The following SRBD1 variants were observed in gnomAD, a reference collection of about 807,000 sequenced individuals.
The protein encoded by SRBD1 is S1 RNA binding domain 1, also known as S1 RNA-binding domain-containing protein 1.
SRBD1 carries 88 observed loss-of-function variants against 115.3 expected under a neutral mutation model. The observed-to-expected ratio is 0.76, with a 90% CI of 0.64 to 0.91. The LOEUF (loss-of-function observed/expected upper bound fraction) is 0.91. SRBD1 is among the 40% of genes least tolerant of loss of function. The pLI, the probability that SRBD1 is intolerant of heterozygous loss-of-function variation, is 0.00. For missense variants in SRBD1, 1,385 were observed against 1,177.4 expected (o/e 1.18, Z -2.58); for synonymous variants, 509 against 407.7 (o/e 1.25, Z -2.99).
chr2:45,552,367 GA>G (rs1270286836), intron 11 of SRBD1, among the ~76,000 whole-genome samples: 1 of 152,052 alleles, frequency 6.6e-6, no homozygotes, highest in East Asian at 1.9e-4. Context: ...GAAAAAGAAA[GA>G]GAAAGTACTC....
chr2:45,405,341 G>T (rs961487413), intron 19 of SRBD1, among the ~76,000 whole-genome samples: 1 of 152,084 alleles, frequency 6.6e-6, no homozygotes, highest in Non-Finnish European at 1.5e-5. Context: ...TCTTGTTTTT[G>T]TGTGGGGCTA....
intron 12 of SRBD1, chr2:45,549,035 C>G (rs1177634415): frequency 6.6e-6 from 1 of 152,176 alleles, no homozygotes; most frequent in Non-Finnish European, 1.5e-5. Flanking sequence ...GGAGCTGAAA[C>G]TGAGAGAGAT....
chr2:45,541,734 G>A (rs1001979727), intron 14 of SRBD1, among the ~76,000 whole-genome samples: 1 of 152,220 alleles, frequency 6.6e-6, no homozygotes, highest in Non-Finnish European at 1.5e-5. Context: ...TCTGCAGACA[G>A]GTCTCCTGAC....
intron 9 of SRBD1, among the ~76,000 whole-genome samples, chr2:45,571,542 A>AAAAAAAAAAAAAAAAAAAAAAT (rs1673017246): frequency 1.4e-5 from 2 of 143,156 alleles, no homozygotes; most frequent in Non-Finnish European, 3.0e-5. Context: ...AAAAAAAAAA[A>AAAAAAAAAAAAAAAAAAAAAAT]CTGTCCATGA....
At chr2:45,397,423 G>A (rs1443825515) in intron 19 of SRBD1, among the ~76,000 whole-genome samples, 2 of 152,052 alleles carry the variant, frequency 1.3e-5, no homozygotes, top group African/African-American at 4.8e-5. Context: ...TGTGGCAAAC[G>A]AGGAAAACCT....
chr2:45,573,064 T>A, intron 9 of SRBD1, 143 bp downstream of exon 9: 1 of 932,932 alleles, frequency 1.1e-6, no homozygotes, highest in East Asian at 3.0e-5. Context: ...GCGGCAAGGA[T>A]ATGACAATAT....
chr2:45,454,708 A>G (rs1353292132), intron 16 of SRBD1, among the ~76,000 whole-genome samples: 1 of 151,880 alleles, frequency 6.6e-6, no homozygotes, highest in Admixed American at 6.6e-5. Context: ...AGTTCTTACA[A>G]TGCACGAACA....
chr2:45,604,441 G>C (rs1009167119), intron 2 of SRBD1, among the ~76,000 whole-genome samples: 4 of 152,098 alleles, frequency 2.6e-5, no homozygotes, highest in East Asian at 1.9e-4. Context: ...CCAACATTTA[G>C]AGGGTGGTGA....
chr2:45,594,660 G>C (rs1276675819), intron 4 of SRBD1, among the ~76,000 whole-genome samples: 1 of 152,184 alleles, frequency 6.6e-6, no homozygotes, highest in Non-Finnish European at 1.5e-5. Flanking sequence ...TATAATGTCT[G>C]TTAAAACATT....
chr2:45,567,495 G>C (rs958725015), intron 9 of SRBD1, among the ~76,000 whole-genome samples: 28 of 152,142 alleles, frequency 1.8e-4, no homozygotes, highest in African/African-American at 6.5e-4. Context: ...CATAGTCCCA[G>C]CTCCTCAGGA....
intron 3 of SRBD1, among the ~76,000 whole-genome samples, 169 bp downstream of exon 3, chr2:45,601,734 T>C (rs1253069963): frequency 2.6e-5 from 4 of 152,208 alleles, no homozygotes; most frequent in Non-Finnish European, 5.9e-5. Context: ...GAAAAGGGAA[T>C]AGACAAAGAA....
intron 16 of SRBD1, among the ~76,000 whole-genome samples, chr2:45,467,702 A>G (rs1051778700): frequency 2.0e-5 from 3 of 152,206 alleles, no homozygotes; most frequent in African/African-American, 7.2e-5. Context: ...GGCTTGAGAA[A>G]GATTTCTAAG....
chr2:45,404,166 G>C (rs1370895650), intron 19 of SRBD1, among the ~76,000 whole-genome samples: 1 of 152,098 alleles, frequency 6.6e-6, no homozygotes, highest in Non-Finnish European at 1.5e-5. Context: ...TGATTTCAAG[G>C]CTCTGAACTG....
chr2:45,600,306 A>G lies in SRBD1; in HGVS notation c.262-471T>C, dbSNP rs571570451. Among the ~76,000 whole-genome samples, 17 of 120,606 alleles carry G rather than the reference A, an allele frequency of 1.4e-4. No homozygotes were observed. In the East Asian group the frequency reaches 3.5e-3, roughly 25 times the overall value. The allele number at this position is 120,606 out of a possible 152,430, so 79.1% of individuals were successfully genotyped here. On this transcript the variant is annotated intron_variant, in intron 3 of 20. Coordinates refer to ENST00000263736, the MANE Select transcript of SRBD1 (RefSeq NM_018079.5). Reference sequence around the variant, plus strand: ...TACTATAGATTTGCAAGATGCTACCATTCGGGAAAAAATGGATAAAGAGTA... The same window carrying G: ...TACTATAGATTTGCAAGATGCTACCGTTCGGGAAAAAATGGATAAAGAGTA...
rs894916423 is a variant in SRBD1, at chr2:45,532,405, A to G, written c.1874+14327T>C. Among the ~76,000 whole-genome samples, 46 of 151,866 alleles carry G rather than the reference A, an allele frequency of 3.0e-4. 2 individuals carry two copies. The highest frequency in any genetic ancestry group is 1.5e-4 in the Non-Finnish European group (10 of 67,912). On this transcript the variant is annotated intron_variant, in intron 14 of 20. Transcript: ENST00000263736. ...ACATTTATAAAGAAGACGGAGCTGA[A>G]GTAAATCAAGACCCAAGGTCACGTC...
At chr2:45,494,836 A>G (rs1321930814) in intron 14 of SRBD1, among the ~76,000 whole-genome samples, 2 of 152,222 alleles carry the variant, frequency 1.3e-5, no homozygotes, top group East Asian at 3.8e-4. Context: ...CCTTACTTCA[A>G]TACCAAAGGA....
chr2:45,569,995 C>T (rs1672959410), intron 9 of SRBD1, among the ~76,000 whole-genome samples: 1 of 152,206 alleles, frequency 6.6e-6, no homozygotes, highest in South Asian at 2.1e-4. Context: ...AGTTAGCAAA[C>T]TATGGCCCAT....
In SRBD1 at chr2:45,539,486, A is replaced by T. The variant is rs1178842800; in HGVS notation, c.1874+7246T>A. On this transcript the variant is annotated intron_variant, in intron 14 of 20. Transcript: ENST00000263736. ...AGTTAGGTTAAACCCTCAGTGTAAG[A>T]ATAAAACAGAACTATAACTCACTAT... Among the ~76,000 whole-genome samples the T allele has an allele frequency of 5.3e-5, 8 of 152,314 alleles. No homozygotes were observed. The East Asian group carries it at 9.7e-4, about 18-fold the overall frequency.
intron 19 of SRBD1, among the ~76,000 whole-genome samples, chr2:45,409,044 C>T (rs946244270): frequency 3.9e-5 from 6 of 152,054 alleles, no homozygotes; most frequent in African/African-American, 1.4e-4. Flanking sequence ...CATGGTGAAG[C>T]CCCGTTTCTA....
Sources: allele counts gnomAD v4.1 joint callset (sites outside exome capture counted in the v4.1 genomes callset), GRCh38; gene constraint gnomAD v4.1.1; transcripts MANE v1.5; gene names NCBI Gene and HGNC (gene_info 2026-07-23, HGNC 2026-07-21).